The following CPSF6 variants were observed in gnomAD, a reference collection of about 807,000 sequenced individuals.
CPSF6 encodes cleavage and polyadenylation specificity factor subunit 6.
Under a neutral mutation model 56.7 loss-of-function variants are expected in CPSF6, and 10 were observed. That is an observed-to-expected ratio of 0.18 (90% CI 0.11 to 0.30). The LOEUF (loss-of-function observed/expected upper bound fraction) is 0.30. CPSF6 is among the 10% of genes least tolerant of loss of function. The pLI is 1.00. For synonymous variants in CPSF6, 248 were observed against 244.8 expected (o/e 1.01, Z -0.12); for missense variants, 419 against 722.9 (o/e 0.58, Z 4.82).
rs1873294152 is a variant in CPSF6, at chr12:69,272,528, T to A, written c.*3020T>A. On this transcript the variant is annotated 3_prime_UTR_variant, in exon 10 of 10. Coordinates refer to ENST00000435070, the MANE Select transcript of CPSF6 (RefSeq NM_007007.3). ...AATGAGATGCATTACAAGACTTTTCTGTTGGAGTGCTCTCGACATTTTGGT... is the reference window on the plus strand; with the variant it reads ...AATGAGATGCATTACAAGACTTTTCAGTTGGAGTGCTCTCGACATTTTGGT... 6.6e-6 allele frequency: 1 copy of A among 151,786 alleles called. No individual in the cohort carries two copies. Among genetic ancestry groups the A allele is most frequent in the Non-Finnish European group, 1.5e-5 (1 of 67,696 alleles). 9.4% of individuals were successfully genotyped at this position (151,786 alleles called of 1,614,324 possible). A position where few individuals can be genotyped will look rare whatever the true frequency, so the allele number is the denominator to read the frequency against.
intron 1 of CPSF6, among the ~76,000 whole-genome samples, chr12:69,242,000 G>T: frequency 6.6e-6 from 1 of 150,862 alleles, no homozygotes; most frequent in South Asian, 2.1e-4. Flanking sequence ...ATATGTTACT[G>T]TCATTGAAAT....
chr12:69,263,466 C>G (rs1872837389), intron 9 of CPSF6, among the ~76,000 whole-genome samples: 1 of 151,896 alleles, frequency 6.6e-6, no homozygotes, highest in Admixed American at 6.6e-5. Context: ...GGGGAGGGCA[C>G]TATAAGGCTT....
At chr12:69,264,719 C>T (rs1341523810) in intron 9 of CPSF6, among the ~76,000 whole-genome samples, 2 of 152,092 alleles carry the variant, frequency 1.3e-5, no homozygotes, top group Non-Finnish European at 2.9e-5. Flanking sequence ...TGTACGTTTG[C>T]TATATCAAAC....
rs756008870 is a variant in CPSF6, at chr12:69,262,438, G to A, written c.1535G>A (p.Arg512His). Reference sequence around the variant, plus strand: ...GAAAAGAGTCGACGTCATAAATCCCGTAGTAGAGACCGTCATGACGATTAT... The same window carrying A: ...GAAAAGAGTCGACGTCATAAATCCCATAGTAGAGACCGTCATGACGATTAT... ...SREKSRRHKS[R>H]SRDRHDDYYR... The change falls in exon 9 of 10, where the codon CGT becomes CAT. Residue 512 changes from arginine (R) to histidine (H), a missense_variant. Transcript: ENST00000435070. The A allele has an allele frequency of 1.2e-5, 20 of 1,613,592 alleles. No homozygotes were observed. The highest frequency in any genetic ancestry group is 1.6e-5 in the Non-Finnish European group (19 of 1,179,674).
intron 1 of CPSF6, among the ~76,000 whole-genome samples, chr12:69,243,755 G>T (rs1001041054): frequency 1.3e-5 from 2 of 152,124 alleles, no homozygotes; most frequent in Admixed American, 1.3e-4. Flanking sequence ...TGCTGCTGTA[G>T]ACTTCATAAA....
chr12:69,244,833 T>C (rs1160054929), intron 1 of CPSF6, among the ~76,000 whole-genome samples: 1 of 152,146 alleles, frequency 6.6e-6, no homozygotes, highest in African/African-American at 2.4e-5. Context: ...GGCAGTATGA[T>C]GCATGGGCTG....
At position 69,259,558 on chromosome 12, in the gene CPSF6, T is replaced by A; in HGVS notation, c.1315+15T>A. ...TGCCAGTGCTGGTTTGTGTATTTCT[T>A]GTATTAATATTTCTTATTTATGTTA... On this transcript the variant is annotated intron_variant, in intron 7 of 9. Transcript: ENST00000435070. 3 of 1,588,772 alleles carry A rather than the reference T, an allele frequency of 1.9e-6. No individual in the cohort carries two copies. Among genetic ancestry groups the A allele is most frequent in the Non-Finnish European group, 2.6e-6 (3 of 1,169,424 alleles).
intron 1 of CPSF6, among the ~76,000 whole-genome samples, chr12:69,240,384 C>T (rs1871550918): frequency 6.6e-6 from 1 of 152,194 alleles, no homozygotes; most frequent in South Asian, 2.1e-4. Context: ...AGTCCTTTGA[C>T]TTTTGGAGCC....
rs139325535 is a variant in CPSF6, at chr12:69,253,069, T to C, written c.289T>C (p.Leu97=). 1.6e-3 allele frequency: 2,525 copies of C among 1,581,630 alleles called. 15 individuals are homozygous for C. The highest frequency in any genetic ancestry group is 2.8e-3 in the South Asian group (235 of 83,988). The change falls in exon 3 of 10, where the codon TTA becomes CTA. Residue 97 remains leucine, a synonymous_variant. Transcript: ENST00000435070. ...CTTGCAGTGGACAACAGATGAAGAC[T>C]TAACTGAAGCAGTTCATTCTTTGGG... is the stretch of plus-strand genomic sequence containing the variant. ...NLTWWTTDED[L]TEAVHSLGVN...
chr12:69,262,515 C>G lies in CPSF6; in HGVS notation c.1612C>G (p.Arg538Gly). 6.2e-7 allele frequency: 1 copy of G among 1,613,248 alleles called. No individual in the cohort carries two copies. The highest frequency in any genetic ancestry group is 1.1e-5 in the South Asian group (1 of 91,030). ...GAGGCACCGGGATCGTGACCGAGACCGTGACCGAGAGCGTGACCGAGAGCG... is the reference window on the plus strand; with the variant it reads ...GAGGCACCGGGATCGTGACCGAGACGGTGACCGAGAGCGTGACCGAGAGCG... ...RERHRDRDRD[R>G]DRERDREREY... Residue 538 changes from arginine to glycine, a missense_variant, in exon 9 of 10, where the codon CGT (arginine) becomes GGT (glycine). Arg to Gly is a moderately radical substitution (Grantham distance 125). Transcript: ENST00000435070.
At chr12:69,240,282 C>T (rs1048946216) in intron 1 of CPSF6, among the ~76,000 whole-genome samples, 7 of 152,232 alleles carry the variant, frequency 4.6e-5, no homozygotes, top group Non-Finnish European at 8.8e-5. Flanking sequence ...CCGGGGCTCT[C>T]CTTCTCGGGT....
chr12:69,261,944 G>C (rs1233500759), intron 8 of CPSF6, among the ~76,000 whole-genome samples: 1 of 152,108 alleles, frequency 6.6e-6, no homozygotes, highest in Non-Finnish European at 1.5e-5. Flanking sequence ...TATGTTAAGA[G>C]GTTGTCATAT....
At position 69,239,624 on chromosome 12, in the gene CPSF6, G is replaced by T; in HGVS notation, c.-23G>T. The T allele has an allele frequency of 5.8e-6, 9 of 1,558,294 alleles. No homozygotes were observed. The highest frequency in any genetic ancestry group is 1.2e-5 in the South Asian group (1 of 84,642). ...AGACCTGCAGGAGGCGGCGGCGGCGGCGGCGGCCGAGGCTGAAGGAAGATG... is the reference window on the plus strand; with the variant it reads ...AGACCTGCAGGAGGCGGCGGCGGCGTCGGCGGCCGAGGCTGAAGGAAGATG... On this transcript the variant is annotated 5_prime_UTR_variant, in exon 1 of 10. Transcript: ENST00000435070.
rs1872607954 is a variant in CPSF6 at position 69,258,570 on chromosome 12, CTT to C, written c.695-18_695-17del. On this transcript the variant is annotated intron_variant, in intron 5 of 9. Coordinates refer to ENST00000435070, the MANE Select transcript of CPSF6 (RefSeq NM_007007.3). The surrounding 1 kb of genome is among the most constrained non-coding windows in gnomAD (Gnocchi z 4.2). Reference sequence around the variant, plus strand: ...ATTAGTGAAGTGTTTTTTTTTCTCTCTTTCTCCTTTGTTTTTTAGCTGGACAG... The same window carrying C: ...ATTAGTGAAGTGTTTTTTTTTCTCTCTCTCCTTTGTTTTTTAGCTGGACAG... 1.3e-6 allele frequency: 2 copies of C among 1,538,202 alleles called. No individual in the cohort carries two copies. The highest frequency in any genetic ancestry group is 1.7e-6 in the Non-Finnish European group (2 of 1,144,602).
intron 9 of CPSF6, among the ~76,000 whole-genome samples, chr12:69,264,639 A>G (rs1872889138): frequency 6.6e-6 from 1 of 152,164 alleles, no homozygotes; most frequent in Non-Finnish European, 1.5e-5. Context: ...GTAATACTGT[A>G]TGTGCCTTCA....
At position 69,258,857 on chromosome 12, in the gene CPSF6, G is replaced by C; in HGVS notation, c.962G>C (p.Gly321Ala). 1 of 1,613,842 alleles carries C rather than the reference G, an allele frequency of 6.2e-7. No individual in the cohort carries two copies. The highest frequency in any genetic ancestry group is 8.5e-7 in the Non-Finnish European group (1 of 1,179,940). ...PPQQGPPPPP[G>A]PFPPRPPGPL... ...CAACAGGGACCACCTCCACCTCCAG[G>C]CCCCTTTCCACCTCGTCCACCCGGT... is the stretch of plus-strand genomic sequence containing the variant. The change falls in exon 6 of 10, where the codon GGC (glycine) becomes GCC (alanine). Residue 321 changes from glycine to alanine, a missense_variant. By Grantham distance (60) the Gly-to-Ala change is moderately conservative. Coordinates refer to ENST00000435070, the MANE Select transcript of CPSF6 (RefSeq NM_007007.3). This position sits in a 1 kb window ranked among gnomAD's most constrained non-coding sequence, Gnocchi z 4.2.
At chr12:69,260,805 G>A (rs1338254548) in intron 8 of CPSF6, among the ~76,000 whole-genome samples, 1 of 152,114 alleles carries the variant, frequency 6.6e-6, no homozygotes, top group African/African-American at 2.4e-5. Flanking sequence ...TAAGAGATGG[G>A]TCTTGTTAAG....
In CPSF6 at chr12:69,258,013, T is replaced by C; in HGVS notation, c.694+108T>C. On this transcript the variant is annotated intron_variant, in intron 5 of 9. Transcript: ENST00000435070. This position sits in a 1 kb window ranked among gnomAD's most constrained non-coding sequence, Gnocchi z 4.2. ...TTATTAATGTGACTTACTCTCCTTG[T>C]TATGCTATTTTTGGAATCCAGGAAA... 6.5e-7 allele frequency: 1 copy of C among 1,534,674 alleles called. No individual in the cohort carries two copies. The highest frequency in any genetic ancestry group is 8.8e-7 in the Non-Finnish European group (1 of 1,132,768).
rs1311467823 is a variant in CPSF6, at chr12:69,258,235, A to T, written c.694+330A>T. On this transcript the variant is annotated intron_variant, in intron 5 of 9. Coordinates refer to ENST00000435070, the MANE Select transcript of CPSF6 (RefSeq NM_007007.3). The surrounding 1 kb of genome is among the most constrained non-coding windows in gnomAD (Gnocchi z 4.2). ...TACCTCTTAAAAAAATCCTTTCAAG[A>T]TCATTTTTCCTTGTTTCACTTTCTA... is the stretch of plus-strand genomic sequence containing the variant. 5 of 796,486 alleles carry T rather than the reference A, an allele frequency of 6.3e-6. No individual in the cohort carries two copies. Among genetic ancestry groups the T allele is most frequent in the Non-Finnish European group, 9.9e-6 (5 of 506,616 alleles). 49.3% of individuals were successfully genotyped at this position (796,486 alleles called of 1,614,324 possible).
Sources: gnomAD v4.1 joint callset for allele counts (sites outside exome capture counted in the v4.1 genomes callset) on GRCh38, gnomAD v4.1.1 for gene constraint, Gnocchi (gnomAD v3.1) non-coding constraint, MANE v1.5 for transcripts, NCBI Gene and HGNC (gene_info 2026-07-23, HGNC 2026-07-21) for gene names.